Variants in DCLRE1A observed in about 807,000 individuals in gnomAD.
The protein encoded by DCLRE1A is DNA cross-link repair 1A, also known as DNA cross-link repair 1A protein.
A neutral mutation model predicts 91.9 loss-of-function variants in DCLRE1A; 64 were observed. The ratio of observed to expected loss-of-function variants is 0.70; its 90% CI spans 0.57 to 0.86. The LOEUF (loss-of-function observed/expected upper bound fraction) is 0.86. Among genes scored for constraint, DCLRE1A ranks in the 40% least tolerant of loss-of-function variants. DCLRE1A has a pLI of 0.00. For synonymous variants in DCLRE1A, 416 were observed against 431.1 expected, an observed-to-expected ratio of 0.96 and a Z score of 0.43; for missense variants, 1,145 against 1,213.3, an observed-to-expected ratio of 0.94 and a Z score of 0.84.
At chr10:113,844,278 C>T in intron 4 of DCLRE1A, 34 bp from the exon 5 acceptor site, 1 of 1,610,334 alleles carries the variant, frequency 6.2e-7, no homozygotes, top group Non-Finnish European at 8.5e-7. Flanking sequence ...GTTCATAACA[C>T]AGGCAAGCAC....
chr10:113,848,611 A>T (rs760382422), intron 2 of DCLRE1A, among the ~76,000 whole-genome samples: 12 of 152,172 alleles, frequency 7.9e-5, no homozygotes, highest in Non-Finnish European at 1.8e-4. Flanking sequence ...AGTACTTTGT[A>T]TTTCTCACAA....
chr10:113,852,768 A>G lies in DCLRE1A; in HGVS notation c.415T>C (p.Trp139Arg), dbSNP rs772814533. ...GAATCCAAACATTCAAAAACATGCC[A>G]TCGAGGTGTCTGCCCTATCAATGAG... Reference protein sequence around the residue: ...FSSLIGQTPRWHVFECLDSPP... With the variant: ...FSSLIGQTPRRHVFECLDSPP... The change falls in exon 1 of 9, where the codon TGG (tryptophan) becomes CGG (arginine). Residue 139 changes from tryptophan to arginine, a missense_variant. Coordinates refer to ENST00000361384, the MANE Select transcript of DCLRE1A (RefSeq NM_014881.5). 1 of 1,614,110 alleles carries G rather than the reference A, an allele frequency of 6.2e-7. No individual in the cohort carries two copies. Among genetic ancestry groups the G allele is most frequent in the African/African-American group, 1.3e-5 (1 of 74,944 alleles).
intron 5 of DCLRE1A, among the ~76,000 whole-genome samples, chr10:113,843,251 T>C (rs1404659136): frequency 6.6e-6 from 1 of 152,188 alleles, no homozygotes; most frequent in Non-Finnish European, 1.5e-5. Context: ...ATTGTTTTGC[T>C]AGTCAACTAC....
In DCLRE1A at chr10:113,849,748, A is replaced by T. The variant is rs764374449; in HGVS notation, c.1357T>A (p.Tyr453Asn). 1 of 1,614,202 alleles carries T rather than the reference A, an allele frequency of 6.2e-7. No homozygotes were observed. The highest frequency in any genetic ancestry group is 1.1e-5 in the South Asian group (1 of 91,086). ...QKQVIEESSV[Y>N]NQVSLPLVKS... The stretch of plus-strand genomic sequence containing the variant: ...ACTAACGGAAGAGAAACTTGATTGT[A>T]AACAGATGATTCTTCAATTACCTGT... The change falls in exon 2 of 9, where the codon TAC (tyrosine) becomes AAC (asparagine). Residue 453 changes from tyrosine (Y) to asparagine (N), a missense_variant. By Grantham distance (143) the Tyr-to-Asn change is moderately radical. Transcript: ENST00000361384.
At chr10:113,840,409 A>C (rs1845428481) in intron 7 of DCLRE1A, among the ~76,000 whole-genome samples, 1 of 152,220 alleles carries the variant, frequency 6.6e-6, no homozygotes, top group Non-Finnish European at 1.5e-5. Context: ...CATATGCATC[A>C]GAACGCAGTC....
chr10:113,849,651 G>A lies in DCLRE1A; in HGVS notation c.1454C>T (p.Thr485Ile). Residue 485 changes from threonine to isoleucine, a missense_variant, in exon 2 of 9, where the codon ACA (threonine) becomes ATA (isoleucine). Transcript: ENST00000361384. ...GYLSSQPTQN[T>I]IRKLSSENLN... The stretch of plus-strand genomic sequence containing the variant: ...GTTCTCACTTGATAATTTTCTAATT[G>A]TATTTTGGGTTGGTTGGGAAGAAAG... 6.2e-7 allele frequency: 1 copy of A among 1,614,158 alleles called. No homozygotes were observed. Among genetic ancestry groups the A allele is most frequent in the Non-Finnish European group, 8.5e-7 (1 of 1,180,030 alleles).
At chr10:113,846,266 T>C (rs1845535743) in intron 3 of DCLRE1A, among the ~76,000 whole-genome samples, 1 of 152,188 alleles carries the variant, frequency 6.6e-6, no homozygotes, top group Non-Finnish European at 1.5e-5. Context: ...TTTTTAGCTC[T>C]GTGACCTGGG....
intron 2 of DCLRE1A, 118 bp downstream of exon 2, chr10:113,848,860 AGC>A: frequency 1.0e-6 from 1 of 963,196 alleles, no homozygotes; most frequent in South Asian, 1.7e-5. Flanking sequence ...GTATCACAAA[AGC>A]AAAGGAAACA....
chr10:113,843,581 C>T (rs564369921), intron 5 of DCLRE1A, among the ~76,000 whole-genome samples: 1 of 152,130 alleles, frequency 6.6e-6, no homozygotes, highest in Admixed American at 6.5e-5. Context: ...GAAATATATA[C>T]AATTTTTATT....
At position 113,853,278 on chromosome 10, in the gene DCLRE1A, A is replaced by G; in HGVS notation, c.-96T>C. 1.6e-6 allele frequency: 2 copies of G among 1,250,490 alleles called. No homozygotes were observed. Among genetic ancestry groups the G allele is most frequent in the Non-Finnish European group, 2.1e-6 (2 of 939,478 alleles). The allele number at this position is 1,250,490 out of a possible 1,614,324, so 77.5% of individuals were successfully genotyped here. A position where few individuals can be genotyped will look rare whatever the true frequency, so the allele number is the denominator to read the frequency against. Reference sequence around the variant, plus strand: ...AAAAAGTTATAGAATTATTTTGCTGAGAAAAAAAACAAAGGTAACAAAACC... The same window carrying G: ...AAAAAGTTATAGAATTATTTTGCTGGGAAAAAAAACAAAGGTAACAAAACC... On this transcript the variant is annotated 5_prime_UTR_variant, in exon 1 of 9. Transcript: ENST00000361384.
chr10:113,847,691 C>T (rs191160306), intron 2 of DCLRE1A, among the ~76,000 whole-genome samples: 5 of 152,234 alleles, frequency 3.3e-5, no homozygotes, highest in Admixed American at 3.3e-4. Context: ...TCTTCTAAAA[C>T]ATGAATTCTC....
At chr10:113,847,776 G>A (rs796335364) in intron 2 of DCLRE1A, among the ~76,000 whole-genome samples, 2 of 151,198 alleles carry the variant, frequency 1.3e-5, no homozygotes, top group East Asian at 2.0e-4. Flanking sequence ...GACAAACAAC[G>A]TATCTACCAT....
At position 113,847,303 on chromosome 10, in the gene DCLRE1A, C is replaced by T; in HGVS notation, c.2158G>A (p.Gly720Ser). 1 of 1,613,884 alleles carries T rather than the reference C, an allele frequency of 6.2e-7. No homozygotes were observed. Reference sequence around the variant, plus strand: ...TAGGCTGTGCAACCTTCAACCACGCCATACTGAAAGGCATCAACTGTAAAG... The same window carrying T: ...TAGGCTGTGCAACCTTCAACCACGCTATACTGAAAGGCATCAACTGTAAAG... ...TGFTVDAFQY[G>S]VVEGCTAYFL... The change falls in exon 3 of 9, where the codon GGC becomes AGC. Residue 720 changes from glycine to serine, a missense_variant. Gly to Ser is a moderately conservative substitution (Grantham distance 56). Coordinates refer to ENST00000361384, the MANE Select transcript of DCLRE1A (RefSeq NM_014881.5).
At position 113,849,370 on chromosome 10, in the gene DCLRE1A, C is replaced by T. The variant is rs779162731; in HGVS notation, c.1735G>A (p.Ala579Thr). 1 of 1,613,988 alleles carries T rather than the reference C, an allele frequency of 6.2e-7. No individual in the cohort carries two copies. The highest frequency in any genetic ancestry group is 8.5e-7 in the Non-Finnish European group (1 of 1,179,952). ...RKEEKLLGES[A>T]LEGINLNPVP... is the part of the protein sequence containing the mutation. ...GGATTTAAGTTTATCCCTTCTAATGCACTTTCCCCTAGCAATTTCTCTTCC... is the reference window on the plus strand; with the variant it reads ...GGATTTAAGTTTATCCCTTCTAATGTACTTTCCCCTAGCAATTTCTCTTCC... Residue 579 changes from alanine to threonine, a missense_variant, in exon 2 of 9, where the codon GCA becomes ACA. Coordinates refer to ENST00000361384, the MANE Select transcript of DCLRE1A (RefSeq NM_014881.5).
rs556364553 is a variant in DCLRE1A at position 113,840,194 on chromosome 10, T to C, written c.2820+1212A>G. Among the ~76,000 whole-genome samples the C allele has an allele frequency of 1.3e-3, 204 of 151,612 alleles. 2 individuals carry two copies. The highest frequency in any genetic ancestry group is 4.3e-3 in the African/African-American group (177 of 41,296). ...CTGTAATTCCAGCCACTCAGGAGGCTGAGGCATGAGAATCGTTTGAACCTG... is the reference window on the plus strand; with the variant it reads ...CTGTAATTCCAGCCACTCAGGAGGCCGAGGCATGAGAATCGTTTGAACCTG... On this transcript the variant is annotated intron_variant, in intron 7 of 8. Coordinates refer to ENST00000361384, the MANE Select transcript of DCLRE1A (RefSeq NM_014881.5).
In DCLRE1A at chr10:113,853,165, G is replaced by A. The variant is rs1263920150; in HGVS notation, c.18C>T (p.Ser6=). The A allele has an allele frequency of 1.3e-6, 2 of 1,565,732 alleles. No homozygotes were observed. The highest frequency in any genetic ancestry group is 1.7e-6 in the Non-Finnish European group (2 of 1,164,116). MLEDI[S]EEDIWEYKSK... ...ATTTGTATTCCCAAATGTCTTCTTC[G>A]GAAATGTCTTCTAACATGGCAAAAT... Residue 6 remains serine, a synonymous_variant, in exon 1 of 9, where the codon TCC becomes TCT. Coordinates refer to ENST00000361384, the MANE Select transcript of DCLRE1A (RefSeq NM_014881.5).
At chr10:113,845,281 G>A (rs1845515996) in intron 4 of DCLRE1A, among the ~76,000 whole-genome samples, 1 of 152,142 alleles carries the variant, frequency 6.6e-6, no homozygotes, top group Non-Finnish European at 1.5e-5. Flanking sequence ...TTAGTTTAAA[G>A]AGGGGTAGGG....
chr10:113,839,797 T>A (rs1845418713), intron 7 of DCLRE1A, among the ~76,000 whole-genome samples: 1 of 152,202 alleles, frequency 6.6e-6, no homozygotes, highest in Non-Finnish European at 1.5e-5. Flanking sequence ...CATTAGCAGC[T>A]AGGAGCCTTA....
intron 7 of DCLRE1A, among the ~76,000 whole-genome samples, 165 bp downstream of exon 7, chr10:113,841,241 C>G (rs1364991685): frequency 2.0e-5 from 3 of 152,170 alleles, no homozygotes; most frequent in Non-Finnish European, 2.9e-5. Context: ...AGTTGCACAT[C>G]TAGAAAAACT....
Sources: allele counts gnomAD v4.1 joint callset (sites outside exome capture counted in the v4.1 genomes callset), GRCh38; gene constraint gnomAD v4.1.1; transcripts MANE v1.5; gene names NCBI Gene and HGNC (gene_info 2026-07-23, HGNC 2026-07-21).